MYMK: variants seen among roughly 807,000 people sequenced by gnomAD.
The protein encoded by MYMK is myomaker, myoblast fusion factor, also known as protein myomaker.
MYMK carries 16 observed loss-of-function variants against 22.4 expected under a neutral mutation model. The observed-to-expected ratio is 0.72, with a 90% CI of 0.48 to 1.09. The LOEUF (loss-of-function observed/expected upper bound fraction) is 1.09, where lower values mean the gene tolerates loss of function less well. Among genes scored for constraint, MYMK ranks in the 50% least tolerant of loss-of-function variants. MYMK has a pLI of 0.00. For missense variants in MYMK, 250 were observed against 295.6 expected, an observed-to-expected ratio of 0.85 and a Z score of 1.13; for synonymous variants, 125 against 127.0, an observed-to-expected ratio of 0.98 and a Z score of 0.11.
chr9:133,518,897 T>C lies in MYMK; in HGVS notation c.376A>G (p.Ile126Val), dbSNP rs771930674. The C allele has an allele frequency of 1.9e-6, 3 of 1,613,336 alleles. No individual in the cohort carries two copies. The highest frequency in any genetic ancestry group is 2.2e-5 in the East Asian group (1 of 44,872). ...GVYSGPIGTA[I>V]LIIAAKWLQK... ...ACCCACTTTGCCGCGATGATGAGGA[T>C]GGCTGTGCCGATGGGGCCCGAGTAC... is the stretch of plus-strand genomic sequence containing the variant. Residue 126 changes from isoleucine (I) to valine (V), a missense_variant, in exon 3 of 5, where the codon ATC becomes GTC. Transcript: ENST00000339996.
rs186239386 is a variant in MYMK at position 133,518,266 on chromosome 9, G to A, written c.399+608C>T. Among the ~76,000 whole-genome samples the A allele has an allele frequency of 3.3e-5, 5 of 152,338 alleles. No homozygotes were observed. The South Asian group carries it at 6.2e-4, about 19-fold the overall frequency. On this transcript the variant is annotated intron_variant, in intron 3 of 4. Transcript: ENST00000339996. ...TAGGACGGAGAGAGCAGGGAGCACT[G>A]AAGACCACGTGAGGGCCTTGCTGCT...
At position 133,520,158 on chromosome 9, in the gene MYMK, G is replaced by A; in HGVS notation, c.250+16C>T. 1.2e-6 allele frequency: 2 copies of A among 1,601,258 alleles called. No homozygotes were observed. The highest frequency in any genetic ancestry group is 1.7e-6 in the Non-Finnish European group (2 of 1,168,394). On this transcript the variant is annotated intron_variant, in intron 2 of 4. Transcript: ENST00000339996. ...TCCTTGTCCGCAAGGCTTGTCTGCA[G>A]GGGTTGACCACTCACCCATCAGCGA...
At position 133,514,678 on chromosome 9, in the gene MYMK, C is replaced by G; in HGVS notation, c.624G>C (p.Pro208=). 1 of 1,613,952 alleles carries G rather than the reference C, an allele frequency of 6.2e-7. No homozygotes were observed. The highest frequency in any genetic ancestry group is 8.5e-7 in the Non-Finnish European group (1 of 1,179,836). ...ACAGGGTGGAGCAGTCCAGCTTGGC[C>G]GGGGTCCCCGGGGATCCAGCCTTCT... ...VNKKAGSPGT[P]AKLDCSTLCC... Residue 208 remains proline, a synonymous_variant, in exon 5 of 5, where the codon CCG becomes CCC. Coordinates refer to ENST00000339996, the MANE Select transcript of MYMK (RefSeq NM_001080483.3).
In MYMK at chr9:133,524,868, G is replaced by T. The variant is rs1452007023; in HGVS notation, c.-24C>A. 5.0e-6 allele frequency: 8 copies of T among 1,585,462 alleles called. No homozygotes were observed. Among genetic ancestry groups the T allele is most frequent in the Non-Finnish European group, 6.0e-6 (7 of 1,165,502 alleles). On this transcript the variant is annotated 5_prime_UTR_variant, in exon 1 of 5. Coordinates refer to ENST00000339996, the MANE Select transcript of MYMK (RefSeq NM_001080483.3). ...ATGGGCCAGGAGGAAAGCACTGGCT[G>T]GGGTGGGGAGGGTGCTGGTGTCCCA... is the stretch of plus-strand genomic sequence containing the variant.
chr9:133,519,105 G>A, intron 2 of MYMK, 83 bp from the exon 3 acceptor site: 1 of 1,553,530 alleles, frequency 6.4e-7, no homozygotes, highest in Non-Finnish European at 8.7e-7. Flanking sequence ...CAGCCCCCAG[G>A]AGGCATCCTG....
intron 1 of MYMK, among the ~76,000 whole-genome samples, chr9:133,523,102 T>C (rs1262827923): frequency 6.6e-6 from 1 of 152,172 alleles, no homozygotes; most frequent in Non-Finnish European, 1.5e-5. Context: ...CTGTCACCCC[T>C]GGGAGTGGCA....
In MYMK at chr9:133,516,000, G is replaced by A. The variant is rs913842101; in HGVS notation, c.400-393C>T. On this transcript the variant is annotated intron_variant, in intron 3 of 4. Coordinates refer to ENST00000339996, the MANE Select transcript of MYMK (RefSeq NM_001080483.3). This position sits in a 1 kb window ranked among gnomAD's most constrained non-coding sequence, Gnocchi z 5.8. Reference sequence around the variant, plus strand: ...GTACTGGAGTACTTGGGACCTGCCAGCCCAGTGTGGCCCATGGGGATGGCA... The same window carrying A: ...GTACTGGAGTACTTGGGACCTGCCAACCCAGTGTGGCCCATGGGGATGGCA... 6.6e-6 allele frequency among the ~76,000 whole-genome samples: 1 copy of A among 152,240 alleles called. No homozygotes were observed. Among genetic ancestry groups the A allele is most frequent in the Non-Finnish European group, 1.5e-5 (1 of 68,036 alleles).
intron 1 of MYMK, among the ~76,000 whole-genome samples, chr9:133,521,435 G>A (rs1027939018): frequency 9.9e-5 from 15 of 152,092 alleles, no homozygotes; most frequent in African/African-American, 3.6e-4. Flanking sequence ...GATCTGGGGG[G>A]CAGGCAATTC....
intron 3 of MYMK, among the ~76,000 whole-genome samples, chr9:133,516,058 C>T (rs758147525): frequency 3.3e-5 from 5 of 152,306 alleles, no homozygotes; most frequent in African/African-American, 7.2e-5. Context: ...GGACAAGCAT[C>T]GTTTGCTTTC....
Position 133,515,732 on chromosome 9 carries a change from G to T in MYMK, c.400-125C>A, listed in dbSNP as rs1259330603. On this transcript the variant is annotated intron_variant, in intron 3 of 4. Transcript: ENST00000339996. The surrounding 1 kb of genome is among the most constrained non-coding windows in gnomAD (Gnocchi z 5.8). ...CAGCCCTCTCCCGGCAGGAGAGGAG[G>T]CTCAGGAGCCTCCTGCCGCACCCAG... 7.7e-6 allele frequency: 5 copies of T among 647,336 alleles called. No homozygotes were observed. Among genetic ancestry groups the T allele is most frequent in the African/African-American group, 7.3e-5 (4 of 54,812 alleles). The allele number at this position is 647,336 out of a possible 1,614,324, so 40.1% of individuals were successfully genotyped here.
chr9:133,515,749 C>A lies in MYMK; in HGVS notation c.400-142G>T. 2 of 610,756 alleles carry A rather than the reference C, an allele frequency of 3.3e-6. No individual in the cohort carries two copies. The highest frequency in any genetic ancestry group is 1.9e-5 in the South Asian group (1 of 51,686). The allele number at this position is 610,756 out of a possible 1,614,324, so 37.8% of individuals were successfully genotyped here. A position where few individuals can be genotyped will look rare whatever the true frequency, so the allele number is the denominator to read the frequency against. ...GAGAGGAGGCTCAGGAGCCTCCTGC[C>A]GCACCCAGCCTCAGATGGCTTCTGC... On this transcript the variant is annotated intron_variant, in intron 3 of 4. Coordinates refer to ENST00000339996, the MANE Select transcript of MYMK (RefSeq NM_001080483.3). The surrounding 1 kb of genome is among the most constrained non-coding windows in gnomAD (Gnocchi z 5.8).
At chr9:133,517,633 T>TCCAG (rs1844646356) in intron 3 of MYMK, among the ~76,000 whole-genome samples, 2 of 143,074 alleles carry the variant, frequency 1.4e-5, no homozygotes, top group Non-Finnish European at 3.0e-5. Flanking sequence ...GCCATTGCAC[T>TCCAG]CCAGCCTGGG....
At chr9:133,516,764 G>C (rs1300423479) in intron 3 of MYMK, among the ~76,000 whole-genome samples, 2 of 152,132 alleles carry the variant, frequency 1.3e-5, no homozygotes, top group African/African-American at 4.8e-5. Flanking sequence ...GTAACACCAG[G>C]GAGAAGAGAG....
intron 2 of MYMK, among the ~76,000 whole-genome samples, chr9:133,519,575 A>G (rs535874988): frequency 6.6e-6 from 1 of 152,260 alleles, no homozygotes; most frequent in African/African-American, 2.4e-5. Flanking sequence ...ATCAATAATC[A>G]CTATGCAAAG....
chr9:133,524,687 T>G, intron 1 of MYMK, 23 bp downstream of exon 1: 1 of 1,614,098 alleles, frequency 6.2e-7, no homozygotes, highest in Non-Finnish European at 8.5e-7. Flanking sequence ...TGTGTGGGAC[T>G]TCCTCCCAGC....
intron 3 of MYMK, among the ~76,000 whole-genome samples, chr9:133,517,182 G>A (rs569708306): frequency 4.6e-5 from 7 of 152,154 alleles, no homozygotes; most frequent in Admixed American, 6.5e-5. Flanking sequence ...AGAAGGAGGC[G>A]AGAGGCGGGT....
rs754740828 is a variant in MYMK at position 133,514,780 on chromosome 9, C to T, written c.522G>A (p.Trp174Ter). Residue 174 changes from tryptophan (W) to a stop codon, truncating the protein, a stop_gained, in exon 5 of 5, where the codon TGG becomes TGA. Transcript: ENST00000339996. LOFTEE classifies it high-confidence loss of function. Reference sequence around the variant, plus strand: ...AGAAGCTGTGGACATAAGTGTAGTCCCAGTCCTGCGGGGGGCAAGCGGTCA... The same window carrying T: ...AGAAGCTGTGGACATAAGTGTAGTCTCAGTCCTGCGGGGGGCAAGCGGTCA... Reference protein sequence around the residue: ...ALMLRFFFEDWDYTYVHSFYH... With the variant: ...ALMLRFFFED 2 of 1,613,636 alleles carry T rather than the reference C, an allele frequency of 1.2e-6. No individual in the cohort carries two copies. Among genetic ancestry groups the T allele is most frequent in the East Asian group, 2.2e-5 (1 of 44,872 alleles).
At chr9:133,520,327 C>A (rs746626736) in intron 1 of MYMK, 39 bp from the exon 2 acceptor site, 1 of 1,570,580 alleles carries the variant, frequency 6.4e-7, no homozygotes, top group South Asian at 1.1e-5. Flanking sequence ...CACAAAGAGG[C>A]CAGAGCTGGT....
At chr9:133,523,318 C>A (rs1432373083) in intron 1 of MYMK, among the ~76,000 whole-genome samples, 1 of 152,190 alleles carries the variant, frequency 6.6e-6, no homozygotes, top group Non-Finnish European at 1.5e-5. Context: ...CCATAGAGGC[C>A]CTGCTGCTGG....
Sources: allele counts gnomAD v4.1 joint callset (sites outside exome capture counted in the v4.1 genomes callset), GRCh38; gene constraint gnomAD v4.1.1; non-coding constraint Gnocchi (gnomAD v3.1); transcripts MANE v1.5; gene names NCBI Gene and HGNC (gene_info 2026-07-23, HGNC 2026-07-21).